Variants in NPAS3 observed in about 807,000 individuals in gnomAD.
NPAS3 encodes neuronal PAS domain-containing protein 3.
Under a neutral mutation model 73.1 loss-of-function variants are expected in NPAS3, and 14 were observed. The ratio of observed to expected loss-of-function variants is 0.19; its 90% CI spans 0.13 to 0.30. The LOEUF is 0.30. Ranked by LOEUF, NPAS3 falls within the 10% of genes least tolerant of loss-of-function variation. The pLI is 1.00. For missense variants in NPAS3, 1,096 were observed against 1,250.0 expected (o/e 0.88, Z 1.86); for synonymous variants, 620 against 541.5 (o/e 1.14, Z -2.01).
At chr14:33,682,753 A>T (rs1277486115) in intron 6 of NPAS3, among the ~76,000 whole-genome samples, 1 of 152,238 alleles carries the variant, frequency 6.6e-6, no homozygotes, top group Non-Finnish European at 1.5e-5. Context: ...GTGTGTTCAC[A>T]CTTTGGTGTG....
chr14:33,448,481 G>A (rs1004363852), intron 4 of NPAS3, among the ~76,000 whole-genome samples: 19 of 152,170 alleles, frequency 1.2e-4, no homozygotes, highest in Admixed American at 1.0e-3. Flanking sequence ...GGTGCTGAGG[G>A]CCCATCTAGG....
At chr14:33,517,845 C>A (rs1048724359) in intron 4 of NPAS3, among the ~76,000 whole-genome samples, 5 of 152,090 alleles carry the variant, frequency 3.3e-5, no homozygotes, top group African/African-American at 1.2e-4. Flanking sequence ...CTTTTCATTT[C>A]TAGCATATAG....
chr14:33,306,332 C>T (rs1371494977), intron 3 of NPAS3, among the ~76,000 whole-genome samples: 1 of 152,146 alleles, frequency 6.6e-6, no homozygotes, highest in South Asian at 2.1e-4. Context: ...GTACAAAGCT[C>T]AAAATCAGTA....
intron 5 of NPAS3, among the ~76,000 whole-genome samples, chr14:33,613,758 T>C (rs1191825576): frequency 1.3e-5 from 2 of 152,176 alleles, no homozygotes; most frequent in Non-Finnish European, 2.9e-5. Context: ...TGTCAAAATC[T>C]ATCCAATCTA....
chr14:33,365,784 C>T (rs1036031389), intron 3 of NPAS3, among the ~76,000 whole-genome samples: 4 of 152,074 alleles, frequency 2.6e-5, no homozygotes, highest in Non-Finnish European at 5.9e-5. Context: ...TTGCATAGCG[C>T]AATAATCACA....
chr14:33,610,172 A>G (rs957087202), intron 5 of NPAS3, among the ~76,000 whole-genome samples: 1 of 152,240 alleles, frequency 6.6e-6, no homozygotes, highest in Non-Finnish European at 1.5e-5. Context: ...AGTTTAAAGA[A>G]TATAAATTCA....
At chr14:33,048,848 G>A (rs2040603966) in intron 1 of NPAS3, among the ~76,000 whole-genome samples, 1 of 152,214 alleles carries the variant, frequency 6.6e-6, no homozygotes, top group Non-Finnish European at 1.5e-5. Context: ...GTATAGTCTA[G>A]TACGCTTGCT....
intron 2 of NPAS3, among the ~76,000 whole-genome samples, chr14:33,154,884 G>A (rs1223587098): frequency 6.6e-6 from 1 of 152,186 alleles, no homozygotes; most frequent in Non-Finnish European, 1.5e-5. Context: ...TCTACCCAGA[G>A]TTTTCTACCT....
At chr14:33,278,741 TTTAAA>T (rs2041452738) in intron 3 of NPAS3, among the ~76,000 whole-genome samples, 2 of 152,280 alleles carry the variant, frequency 1.3e-5, no homozygotes, top group Admixed American at 1.3e-4. Flanking sequence ...GTAAACAGAT[TTTAAA>T]TTAAAGCATT....
intron 3 of NPAS3, among the ~76,000 whole-genome samples, chr14:33,324,431 G>A (rs994725979): frequency 6.6e-6 from 1 of 152,186 alleles, no homozygotes; most frequent in Non-Finnish European, 1.5e-5. Flanking sequence ...TTCAGCACTA[G>A]TATTGTACAA....
intron 1 of NPAS3, among the ~76,000 whole-genome samples, chr14:32,960,867 G>A (rs996613114): frequency 2.0e-5 from 3 of 152,120 alleles, no homozygotes; most frequent in Non-Finnish European, 2.9e-5. Context: ...TGACAGCAGC[G>A]TTTTGTGTTT....
At chr14:33,619,130 G>A (rs1233893572) in intron 5 of NPAS3, among the ~76,000 whole-genome samples, 1 of 152,104 alleles carries the variant, frequency 6.6e-6, no homozygotes, top group Non-Finnish European at 1.5e-5. Flanking sequence ...GTCTTACTTT[G>A]AGATAGAAGT....
chr14:33,594,969 T>C (rs1396239189), intron 5 of NPAS3, among the ~76,000 whole-genome samples: 1 of 152,154 alleles, frequency 6.6e-6, no homozygotes, highest in Non-Finnish European at 1.5e-5. Context: ...AGGATTTAGA[T>C]TGCACAGGTG....
chr14:33,734,923 A>G (rs2061486557), intron 6 of NPAS3, among the ~76,000 whole-genome samples: 1 of 152,154 alleles, frequency 6.6e-6, no homozygotes, highest in Admixed American at 6.5e-5. Context: ...GCCCAGCCTC[A>G]AGTAAACTGC....
chr14:33,055,432 C>G (rs1298640060), intron 1 of NPAS3, among the ~76,000 whole-genome samples: 1 of 152,142 alleles, frequency 6.6e-6, no homozygotes, highest in Non-Finnish European at 1.5e-5. Flanking sequence ...CCATAGCAAA[C>G]TCTATATAAA....
At chr14:33,118,135 TCC>T (rs1207201530) in intron 2 of NPAS3, among the ~76,000 whole-genome samples, 1 of 151,994 alleles carries the variant, frequency 6.6e-6, no homozygotes, top group Non-Finnish European at 1.5e-5. Flanking sequence ...TGTCTTTTTT[TCC>T]TCTCTCTCAG....
At chr14:33,709,478 G>T (rs368970316) in intron 6 of NPAS3, among the ~76,000 whole-genome samples, 1 of 152,168 alleles carries the variant, frequency 6.6e-6, no homozygotes, top group Non-Finnish European at 1.5e-5. Flanking sequence ...TAACTCGGGA[G>T]GGCAAGAGTT....
At chr14:33,625,921 G>A (rs562706027) in intron 5 of NPAS3, among the ~76,000 whole-genome samples, 1 of 152,278 alleles carries the variant, frequency 6.6e-6, no homozygotes, top group South Asian at 2.1e-4. Flanking sequence ...CATTTTGTCT[G>A]TCTGCCATTT....
At chr14:33,198,706 C>T (rs1259772736) in intron 2 of NPAS3, among the ~76,000 whole-genome samples, 1 of 152,328 alleles carries the variant, frequency 6.6e-6, no homozygotes, top group South Asian at 2.1e-4. Flanking sequence ...GGTCCGGGGG[C>T]GGAGCTGCCC....
Sources: allele counts gnomAD v4.1 joint callset (sites outside exome capture counted in the v4.1 genomes callset), GRCh38; gene constraint gnomAD v4.1.1; transcripts MANE v1.5; gene names NCBI Gene and HGNC (gene_info 2026-07-23, HGNC 2026-07-21).